PCDHA7: variants seen among roughly 807,000 people sequenced by gnomAD.
PCDHA7 encodes protocadherin alpha 7.
In PCDHA7, 37 loss-of-function variants were observed where a neutral mutation model predicts 57.2. That is an observed-to-expected ratio of 0.65 (90% CI 0.50 to 0.85). The LOEUF is 0.85. Among genes scored for constraint, PCDHA7 ranks in the 40% least tolerant of loss-of-function variants. The pLI is 0.00. For missense variants in PCDHA7, 1,188 were observed against 1,241.8 expected (o/e 0.96, Z 0.65); for synonymous variants, 553 against 558.8 (o/e 0.99, Z 0.15).
chr5:140,985,465 A>T (rs1195143465), intron 3 of PCDHA7, among the ~76,000 whole-genome samples: 1 of 152,126 alleles, frequency 6.6e-6, no homozygotes, highest in Non-Finnish European at 1.5e-5. Flanking sequence ...TGCTCCAAAA[A>T]ATTTGGTTGT....
At chr5:140,970,585 T>G (rs1554232585) in intron 1 of PCDHA7, among the ~76,000 whole-genome samples, 2 of 152,244 alleles carry the variant, frequency 1.3e-5, no homozygotes, top group Non-Finnish European at 2.9e-5. Context: ...ATAACAGAGA[T>G]ATGCTTTGTG....
intron 1 of PCDHA7, chr5:140,841,803 A>C (rs1311079057): frequency 6.2e-7 from 1 of 1,613,804 alleles, no homozygotes; most frequent in African/African-American, 1.3e-5. Flanking sequence ...TCCGATGCAG[A>C]TGTTGGAGCT....
At chr5:140,942,338 G>A (rs1554214916) in intron 1 of PCDHA7, among the ~76,000 whole-genome samples, 1 of 152,042 alleles carries the variant, frequency 6.6e-6, no homozygotes, top group African/African-American at 2.4e-5. Flanking sequence ...TGAACCAGAG[G>A]GAGGCGGAGG....
rs542701193 is a variant in PCDHA7 at position 140,931,976 on chromosome 5, A to G, written c.2356-46973A>G. 2.6e-5 allele frequency among the ~76,000 whole-genome samples: 4 copies of G among 152,074 alleles called. No homozygotes were observed. In the East Asian group the frequency reaches 7.7e-4, roughly 29 times the overall value. On this transcript the variant is annotated intron_variant, in intron 1 of 3. Coordinates refer to ENST00000525929, the MANE Select transcript of PCDHA7 (RefSeq NM_018910.3). ...GAATCATGTTGATGCATATGTGTTTATATTTTGCTCAAATTCTAAGTTCTT... is the reference window on the plus strand; with the variant it reads ...GAATCATGTTGATGCATATGTGTTTGTATTTTGCTCAAATTCTAAGTTCTT...
At chr5:140,843,005 G>A (rs1562406385) in intron 1 of PCDHA7, 5 of 1,594,914 alleles carry the variant, frequency 3.1e-6, no homozygotes, top group Non-Finnish European at 3.4e-6. Flanking sequence ...GAATGACAAC[G>A]CGCCGGCACT....
intron 3 of PCDHA7, among the ~76,000 whole-genome samples, chr5:141,002,755 T>C (rs894161079): frequency 3.3e-5 from 5 of 152,174 alleles, no homozygotes; most frequent in Non-Finnish European, 7.3e-5. Flanking sequence ...GACAACCCTG[T>C]GATGTAGACA....
chr5:140,941,225 T>TTC (rs2092914120), intron 1 of PCDHA7, among the ~76,000 whole-genome samples: 17 of 138,026 alleles, frequency 1.2e-4, no homozygotes, highest in African/African-American at 4.7e-4. Context: ...CTTTCTTTCT[T>TTC]TCTTTCTTTC....
chr5:140,994,052 C>T (rs2097593082), intron 3 of PCDHA7, among the ~76,000 whole-genome samples: 1 of 152,134 alleles, frequency 6.6e-6, no homozygotes, highest in African/African-American at 2.4e-5. Context: ...CAGTCCTGCC[C>T]TTATAAATCT....
intron 1 of PCDHA7, chr5:140,871,632 T>G (rs1554165792): frequency 7.2e-7 from 1 of 1,380,660 alleles, no homozygotes; most frequent in Non-Finnish European, 9.6e-7. Context: ...ACAATGTCTG[T>G]TCATAAAATA....
At chr5:140,840,247 T>C (rs1554137745) in intron 1 of PCDHA7, among the ~76,000 whole-genome samples, 1 of 152,032 alleles carries the variant, frequency 6.6e-6, no homozygotes, top group African/African-American at 2.4e-5. Context: ...CACTATGCTA[T>C]AAAAATTGTG....
At chr5:140,928,208 A>G in intron 1 of PCDHA7, 1 of 1,614,228 alleles carries the variant, frequency 6.2e-7, no homozygotes, top group Non-Finnish European at 8.5e-7. Context: ...GCTGATGTGA[A>G]TGACAATACA....
At chr5:140,954,275 T>C (rs1447578594) in intron 1 of PCDHA7, among the ~76,000 whole-genome samples, 1 of 152,218 alleles carries the variant, frequency 6.6e-6, no homozygotes, top group Non-Finnish European at 1.5e-5. Context: ...AATAGGATGA[T>C]TTATATTCCT....
In PCDHA7 at chr5:140,836,222, G is replaced by T; in HGVS notation, c.1839G>T (p.Pro613=). Residue 613 remains proline, a synonymous_variant, in exon 1 of 4, where the codon CCG becomes CCT. Transcript: ENST00000525929. The part of the protein sequence containing the change: ...YNAWLSYELQ[P]VAAGASIPFR... The stretch of plus-strand genomic sequence containing the variant: ...CGTGGCTTTCGTATGAGTTGCAACC[G>T]GTGGCGGCCGGTGCGAGCATCCCGT... The T allele has an allele frequency of 8.1e-6, 13 of 1,613,794 alleles. No homozygotes were observed. The highest frequency in any genetic ancestry group is 1.1e-5 in the Non-Finnish European group (13 of 1,179,820).
chr5:140,986,566 TTA>T (rs782155316), intron 3 of PCDHA7, among the ~76,000 whole-genome samples: 3 of 152,114 alleles, frequency 2.0e-5, no homozygotes, highest in Non-Finnish European at 4.4e-5. Context: ...TTGTTATCTG[TTA>T]TTGGTTTTTC....
At chr5:140,845,700 G>T (rs994276971) in intron 1 of PCDHA7, among the ~76,000 whole-genome samples, 1 of 149,282 alleles carries the variant, frequency 6.7e-6, no homozygotes, top group African/African-American at 2.5e-5. Context: ...CAGTTCCTTG[G>T]CATTATATGT....
In PCDHA7 at chr5:140,843,020, G is replaced by C. The variant is rs142550829; in HGVS notation, c.2355+6282G>C. The C allele has an allele frequency of 3.1e-6, 5 of 1,595,174 alleles. 1 individual carries two copies. Among genetic ancestry groups the C allele is most frequent in the Non-Finnish European group, 4.3e-6 (5 of 1,165,458 alleles). ...GAATGACAACGCGCCGGCACTGCTGGAGCCTCGGGTGGGTGGCACTGGTGG... is the reference window on the plus strand; with the variant it reads ...GAATGACAACGCGCCGGCACTGCTGCAGCCTCGGGTGGGTGGCACTGGTGG... On this transcript the variant is annotated intron_variant, in intron 1 of 3. Coordinates refer to ENST00000525929, the MANE Select transcript of PCDHA7 (RefSeq NM_018910.3).
chr5:140,876,476 T>G, intron 1 of PCDHA7: 1 of 1,614,036 alleles, frequency 6.2e-7, no homozygotes, highest in Non-Finnish European at 8.5e-7. Context: ...GGTCACAGCA[T>G]GGTCCTGGTG....
chr5:140,995,679 T>C (rs2153934903), intron 3 of PCDHA7, among the ~76,000 whole-genome samples: 1 of 152,322 alleles, frequency 6.6e-6, no homozygotes, highest in Non-Finnish European at 1.5e-5. Context: ...GCAGCATTTT[T>C]TTTAATTGTT....
At chr5:140,924,881 C>T (rs1177812297) in intron 1 of PCDHA7, among the ~76,000 whole-genome samples, 20 of 141,170 alleles carry the variant, frequency 1.4e-4, no homozygotes, top group African/African-American at 5.5e-4. Flanking sequence ...GGTGACAGAG[C>T]AAGAACCTGT....
Sources: gnomAD v4.1 joint callset for allele counts (sites outside exome capture counted in the v4.1 genomes callset) on GRCh38, gnomAD v4.1.1 for gene constraint, MANE v1.5 for transcripts, NCBI Gene and HGNC (gene_info 2026-07-23, HGNC 2026-07-21) for gene names.